Variants in CCNT2 observed in about 807,000 individuals in gnomAD.
CCNT2 encodes the protein cyclin-T2.
CCNT2 carries 18 observed loss-of-function variants against 70.0 expected under a neutral mutation model. The ratio of observed to expected loss-of-function variants is 0.26; its 90% CI spans 0.18 to 0.38. The LOEUF (loss-of-function observed/expected upper bound fraction) is 0.38. Ranked by LOEUF, CCNT2 falls within the 10% of genes least tolerant of loss-of-function variation. The pLI is 1.00. For missense variants in CCNT2, 734 were observed against 890.2 expected, an observed-to-expected ratio of 0.82 and a Z score of 2.23; for synonymous variants, 334 against 313.3, an observed-to-expected ratio of 1.07 and a Z score of -0.70.
intron 2 of CCNT2, among the ~76,000 whole-genome samples, chr2:134,929,797 T>A (rs1680602218): frequency 6.6e-6 from 1 of 151,424 alleles, no homozygotes; most frequent in Non-Finnish European, 1.5e-5. Flanking sequence ...ATTACAGGCA[T>A]GCACCACCAT....
rs761249757 is a variant in CCNT2, at chr2:134,945,836, C to T, written c.494-265C>T. 4.8e-6 allele frequency: 7 copies of T among 1,451,412 alleles called. No individual in the cohort carries two copies. In the Admixed American group the frequency reaches 6.2e-5, roughly 13 times the overall value. 89.9% of individuals were successfully genotyped at this position (1,451,412 alleles called of 1,614,324 possible). On this transcript the variant is annotated intron_variant, in intron 5 of 8. Coordinates refer to ENST00000264157, the MANE Select transcript of CCNT2 (RefSeq NM_058241.3). ...GCTGACTAGATGCTTAACTTAGTAA[C>T]AAGTTTAGCCCTTGTAACTGGCTAG...
intron 2 of CCNT2, among the ~76,000 whole-genome samples, chr2:134,931,780 T>C (rs550698583): frequency 6.6e-6 from 1 of 152,244 alleles, no homozygotes; most frequent in African/African-American, 2.4e-5. Context: ...TTTTGGTTTT[T>C]TAAGAGAAGG....
intron 1 of CCNT2, 136 bp from the exon 2 acceptor site, chr2:134,919,674 T>G: frequency 7.0e-5 from 43 of 618,012 alleles, no homozygotes; most frequent in Middle Eastern, 3.4e-4. Context: ...CCCGCGGGCA[T>G]TTATTTCTTT....
chr2:134,922,463 C>A (rs1217003188), intron 2 of CCNT2, among the ~76,000 whole-genome samples: 1 of 151,982 alleles, frequency 6.6e-6, no homozygotes, highest in Non-Finnish European at 1.5e-5. Context: ...TTTTGGTGAC[C>A]CAGAAATGGT....
intron 7 of CCNT2, among the ~76,000 whole-genome samples, chr2:134,949,812 G>GGT (rs1682324371): frequency 8.1e-6 from 1 of 123,794 alleles, no homozygotes; most frequent in Non-Finnish European, 1.7e-5. Context: ...CGGGGGGGGG[G>GGT]TGGGGGACAG....
At chr2:134,950,488 C>T (rs1682403494) in intron 7 of CCNT2, among the ~76,000 whole-genome samples, 1 of 152,052 alleles carries the variant, frequency 6.6e-6, no homozygotes, top group African/African-American at 2.4e-5. Context: ...AAAATACACA[C>T]AAACCGGGCA....
chr2:134,945,126 A>G (rs1407656431), intron 5 of CCNT2: 1 of 985,228 alleles, frequency 1.0e-6, no homozygotes, highest in Non-Finnish European at 1.2e-6. Context: ...CTTCCTTAGC[A>G]CAACTCTGCT....
At chr2:134,943,576 G>T (rs1450275580) in intron 5 of CCNT2, 1 of 985,084 alleles carries the variant, frequency 1.0e-6, no homozygotes, top group Non-Finnish European at 1.2e-6. Flanking sequence ...TGCCTGTTAA[G>T]CGTCTTGTTT....
intron 2 of CCNT2, among the ~76,000 whole-genome samples, chr2:134,928,293 T>TTTTTTTTTTTTTTTTTTTTTTTC (rs1680452985): frequency 6.8e-6 from 1 of 147,870 alleles, no homozygotes; most frequent in Non-Finnish European, 1.5e-5. Context: ...TTTTTTTTTT[T>TTTTTTTTTTTTTTTTTTTTTTTC]CTGAGACGGA....
chr2:134,929,134 A>T (rs1680527940), intron 2 of CCNT2, among the ~76,000 whole-genome samples: 1 of 152,124 alleles, frequency 6.6e-6, no homozygotes, highest in South Asian at 2.1e-4. Context: ...CCAAAAAGTT[A>T]TTTGCTGTTT....
chr2:134,953,054 G>A (rs535035802), intron 8 of CCNT2, 176 bp from the exon 9 acceptor site: 77 of 509,872 alleles, frequency 1.5e-4, no homozygotes, highest in African/African-American at 1.4e-3. Flanking sequence ...ATTTTTTATA[G>A]CCTTTTATGC....
At chr2:134,949,864 C>T (rs946652398) in intron 7 of CCNT2, among the ~76,000 whole-genome samples, 1 of 151,268 alleles carries the variant, frequency 6.6e-6, no homozygotes, top group Non-Finnish European at 1.5e-5. Context: ...GGCGCAATCT[C>T]GGCTCGCTGC....
At chr2:134,945,658 T>C in intron 5 of CCNT2, 2 of 1,222,294 alleles carry the variant, frequency 1.6e-6, no homozygotes, top group Non-Finnish European at 2.1e-6. Context: ...TTGTTTTGTT[T>C]TGTTTTTGAT....
At chr2:134,921,541 AG>A (rs1159403789) in intron 2 of CCNT2, among the ~76,000 whole-genome samples, 1 of 152,006 alleles carries the variant, frequency 6.6e-6, no homozygotes, top group African/African-American at 2.4e-5. Context: ...TTTAGTAGAG[AG>A]GGGGTTTCAC....
intron 4 of CCNT2, among the ~76,000 whole-genome samples, chr2:134,941,897 A>C (rs1231318716): frequency 3.3e-5 from 5 of 152,298 alleles, no homozygotes; most frequent in Middle Eastern, 3.4e-3. Context: ...TAGACCACAC[A>C]ACAACTTTAT....
chr2:134,932,557 T>A (rs1046413873), intron 2 of CCNT2, among the ~76,000 whole-genome samples: 3 of 152,230 alleles, frequency 2.0e-5, no homozygotes, highest in Non-Finnish European at 2.9e-5. Flanking sequence ...AGATTTTTTT[T>A]AATTTTTTAA....
At chr2:134,948,791 C>T (rs1246610807) in intron 7 of CCNT2, among the ~76,000 whole-genome samples, 10 of 150,662 alleles carry the variant, frequency 6.6e-5, no homozygotes, top group African/African-American at 1.7e-4. Flanking sequence ...CTTGGCTCAC[C>T]GCAACCTCCA....
chr2:134,948,505 T>A (rs887079723), intron 7 of CCNT2, among the ~76,000 whole-genome samples: 1 of 152,204 alleles, frequency 6.6e-6, no homozygotes, highest in Non-Finnish European at 1.5e-5. Flanking sequence ...TTTCTTGCTC[T>A]GTATTACCAT....
intron 2 of CCNT2, among the ~76,000 whole-genome samples, chr2:134,931,342 C>T (rs1043897223): frequency 7.0e-6 from 1 of 142,252 alleles, no homozygotes; most frequent in Non-Finnish European, 1.5e-5. Context: ...GTTCTTTCTC[C>T]CACTGAATTT....
Sources: allele counts gnomAD v4.1 joint callset (sites outside exome capture counted in the v4.1 genomes callset), GRCh38; gene constraint gnomAD v4.1.1; transcripts MANE v1.5; gene names NCBI Gene and HGNC (gene_info 2026-07-23, HGNC 2026-07-21).